EXOC4: variants seen among roughly 807,000 people sequenced by gnomAD.
The protein encoded by EXOC4 is exocyst complex component 4, also known as SEC8-like 1.
A neutral mutation model predicts 107.2 loss-of-function variants in EXOC4; 71 were observed. The ratio of observed to expected loss-of-function variants is 0.66; its 90% confidence interval spans 0.55 to 0.81. The LOEUF (loss-of-function observed/expected upper bound fraction) is 0.81, where lower values mean the gene tolerates loss of function less well. Ranked by LOEUF, EXOC4 falls within the 30% of genes least tolerant of loss-of-function variation. The pLI, the probability that EXOC4 is intolerant of heterozygous loss-of-function variation, is 0.00. For missense variants in EXOC4, 1,108 were observed against 1,189.6 expected (o/e 0.93, Z 1.01); for synonymous variants, 456 against 441.2 (o/e 1.03, Z -0.42).
At chr7:134,063,066 A>T (rs1397838454) in intron 17 of EXOC4, among the ~76,000 whole-genome samples, 1 of 152,208 alleles carries the variant, frequency 6.6e-6, no homozygotes, top group Non-Finnish European at 1.5e-5. Context: ...TCTCTGGAAG[A>T]AGGAAGTCCT....
chr7:133,760,992 A>G (rs1796021080), intron 10 of EXOC4, among the ~76,000 whole-genome samples: 1 of 152,208 alleles, frequency 6.6e-6, no homozygotes. Flanking sequence ...GCAAAAAAAC[A>G]AGATGGCAAA....
the EXOC4 span, among the ~76,000 whole-genome samples, chr7:134,080,681 G>A: frequency 6.6e-6 from 1 of 152,006 alleles, no homozygotes. Context: ...AGTGTCTCAT[G>A]CCCATAATCC....
Position 133,938,029 on chromosome 7 carries a change from T to C in EXOC4, c.2166T>C (p.Ser722=), listed in dbSNP as rs773204988. 6.2e-7 allele frequency: 1 copy of C among 1,614,134 alleles called. No individual in the cohort carries two copies. The part of the protein sequence containing the change: ...NMHESLEWLA[S]RTKSAFSNLS... The stretch of plus-strand genomic sequence containing the variant: ...ATGAAAGCCTGGAATGGTTGGCAAG[T>C]CGAACAAAGTCAGCTTTCTCCAATC... Residue 722 remains serine (S), a synonymous_variant, in exon 14 of 18, where the codon AGT becomes AGC. Transcript: ENST00000253861.
chr7:133,817,383 C>G lies in EXOC4; in HGVS notation c.1573C>G (p.Arg525Gly), dbSNP rs1446395002. The change falls in exon 11 of 18, where the codon CGA becomes GGA. Residue 525 changes from arginine to glycine, a missense_variant. Physicochemically the swap from Arg to Gly is moderately radical, Grantham distance 125 (BLOSUM62 -2). Coordinates refer to ENST00000253861, the MANE Select transcript of EXOC4 (RefSeq NM_021807.4). ...GLGPAKQCPL[R>G]EFLTVYIKNI... ...TGGCCCAGCCAAACAGTGTCCTCTTCGAGAGTTTCTCACCGTGTACATCAA... is the reference window on the plus strand; with the variant it reads ...TGGCCCAGCCAAACAGTGTCCTCTTGGAGAGTTTCTCACCGTGTACATCAA... 2 of 1,614,090 alleles carry G rather than the reference C, an allele frequency of 1.2e-6. No homozygotes were observed. The highest frequency in any genetic ancestry group is 1.1e-5 in the South Asian group (1 of 91,058).
rs1218324631 is a variant in EXOC4 at position 134,065,724 on chromosome 7, A to G, written c.*1196A>G. Reference sequence around the variant, plus strand: ...TTTGTACAACTTTGGTCTTGATGGGAAAAATGGAGAATTAAAAAGTGTTTT... The same window carrying G: ...TTTGTACAACTTTGGTCTTGATGGGGAAAATGGAGAATTAAAAAGTGTTTT... On this transcript the variant is annotated 3_prime_UTR_variant, in exon 18 of 18. Coordinates refer to ENST00000253861, the MANE Select transcript of EXOC4 (RefSeq NM_021807.4). The G allele has an allele frequency of 6.6e-6, 1 of 152,182 alleles. No individual in the cohort carries two copies. The highest frequency in any genetic ancestry group is 2.4e-5 in the African/African-American group (1 of 41,432). The allele number at this position is 152,182 out of a possible 1,614,324, so 9.4% of individuals were successfully genotyped here.
At chr7:133,363,220 T>A (rs1796172082) in intron 6 of EXOC4, among the ~76,000 whole-genome samples, 1 of 152,180 alleles carries the variant, frequency 6.6e-6, no homozygotes, top group African/African-American at 2.4e-5. Context: ...TAGAAGAAAT[T>A]CCACTATTCT....
chr7:133,920,494 A>G (rs1204174851), intron 13 of EXOC4, among the ~76,000 whole-genome samples: 1 of 151,880 alleles, frequency 6.6e-6, no homozygotes, highest in African/African-American at 2.4e-5. Flanking sequence ...CCTTGCATTC[A>G]TCGTATACAT....
chr7:133,816,775 G>A (rs1286027838), intron 10 of EXOC4, among the ~76,000 whole-genome samples: 1 of 152,112 alleles, frequency 6.6e-6, no homozygotes, highest in Admixed American at 6.5e-5. Flanking sequence ...CACAGCTCAC[G>A]GTAGGGTTCA....
intron 14 of EXOC4, among the ~76,000 whole-genome samples, chr7:133,979,380 C>T (rs1038890986): frequency 2.6e-5 from 4 of 152,082 alleles, no homozygotes; most frequent in Admixed American, 2.0e-4. Context: ...AAATAAACGG[C>T]GGTCAGGAAA....
At chr7:133,936,199 G>A (rs541830268) in intron 13 of EXOC4, among the ~76,000 whole-genome samples, 6 of 152,196 alleles carry the variant, frequency 3.9e-5, no homozygotes, top group South Asian at 2.1e-4. Context: ...CCATGCGCTC[G>A]GTTCACTGCT....
intron 10 of EXOC4, among the ~76,000 whole-genome samples, chr7:133,799,809 G>A (rs2151193772): frequency 6.6e-6 from 1 of 152,286 alleles, no homozygotes; most frequent in South Asian, 2.1e-4. Flanking sequence ...ACCAGAGACA[G>A]TTATAATCCA....
At chr7:133,922,824 G>C (rs530987731) in intron 13 of EXOC4, among the ~76,000 whole-genome samples, 1 of 151,948 alleles carries the variant, frequency 6.6e-6, no homozygotes, top group Non-Finnish European at 1.5e-5. Flanking sequence ...ACTCAAGCCT[G>C]GGCGACAGAG....
chr7:133,476,354 T>G (rs959174330), intron 8 of EXOC4, among the ~76,000 whole-genome samples: 16 of 152,180 alleles, frequency 1.1e-4, no homozygotes, highest in African/African-American at 3.6e-4. Flanking sequence ...GAAGGAGGAT[T>G]TAAATCCTGG....
At chr7:133,371,495 TG>T (rs1796376849) in intron 6 of EXOC4, among the ~76,000 whole-genome samples, 3 of 152,322 alleles carry the variant, frequency 2.0e-5, no homozygotes, top group African/African-American at 7.2e-5. Flanking sequence ...ATATAGTATA[TG>T]GTCTTCTGTG....
At chr7:133,785,285 C>G (rs563160308) in intron 10 of EXOC4, among the ~76,000 whole-genome samples, 3 of 36,030 alleles carry the variant, frequency 8.3e-5, no homozygotes, top group Admixed American at 9.5e-4. Context: ...GTGATGCCCC[C>G]TTTTAAATAT....
At chr7:134,037,217 G>T (rs1231774857) in intron 17 of EXOC4, among the ~76,000 whole-genome samples, 3 of 152,134 alleles carry the variant, frequency 2.0e-5, no homozygotes, top group Non-Finnish European at 4.4e-5. Context: ...TGGTTTTGAC[G>T]AAGTTTTCTC....
intron 7 of EXOC4, among the ~76,000 whole-genome samples, chr7:133,464,406 T>C (rs1357153395): frequency 6.6e-6 from 1 of 152,238 alleles, no homozygotes; most frequent in African/African-American, 2.4e-5. Context: ...TATGACTCTC[T>C]CATTTTGTAG....
At chr7:133,849,491 T>A (rs1202069206) in intron 11 of EXOC4, among the ~76,000 whole-genome samples, 1 of 152,136 alleles carries the variant, frequency 6.6e-6, no homozygotes, top group Non-Finnish European at 1.5e-5. Flanking sequence ...AGTGAAACAT[T>A]TTGAGTATTA....
intron 14 of EXOC4, among the ~76,000 whole-genome samples, chr7:133,955,939 G>A: frequency 6.6e-6 from 1 of 152,216 alleles, no homozygotes; most frequent in East Asian, 1.9e-4. Context: ...GAGCCTTCAG[G>A]GGCAGTTGGG....
Sources: allele counts gnomAD v4.1 joint callset (sites outside exome capture counted in the v4.1 genomes callset), GRCh38; gene constraint gnomAD v4.1.1; transcripts MANE v1.5; gene names NCBI Gene and HGNC (gene_info 2026-07-23, HGNC 2026-07-21).